Variants in FRMD3 observed in about 807,000 individuals in gnomAD.
FRMD3 encodes FERM domain containing 3, also known as FERM domain-containing protein 3.
Under a neutral mutation model 70.2 loss-of-function variants are expected in FRMD3, and 33 were observed. The ratio of observed to expected loss-of-function variants is 0.47; its 90% CI spans 0.36 to 0.63. The LOEUF is 0.63. Ranked by LOEUF, FRMD3 falls within the 20% of genes least tolerant of loss-of-function variation. The pLI is 0.00. For synonymous variants in FRMD3, 279 were observed against 255.9 expected (o/e 1.09, Z -0.86); for missense variants, 632 against 711.4 (o/e 0.89, Z 1.27).
intron 1 of FRMD3, among the ~76,000 whole-genome samples, chr9:83,392,791 C>G (rs1351322321): frequency 6.6e-6 from 1 of 152,166 alleles, no homozygotes; most frequent in Non-Finnish European, 1.5e-5. Context: ...TTTCATGCAT[C>G]TCTCTCAAGG....
chr9:83,540,395 C>A (rs566530756), upstream of FRMD3, among the ~76,000 whole-genome samples: 29 of 152,158 alleles, frequency 1.9e-4, no homozygotes, highest in Non-Finnish European at 4.3e-4. Context: ...ATAAGACCAA[C>A]AAGGACAGTA....
intron 2 of FRMD3, among the ~76,000 whole-genome samples, chr9:83,378,828 AAT>A (rs528393730): frequency 7.9e-5 from 10 of 126,822 alleles, no homozygotes; most frequent in Admixed American, 6.8e-4. Flanking sequence ...ATTTTATATA[AAT>A]ATATATACTA....
chr9:83,335,502 T>C lies in FRMD3; in HGVS notation c.596+14A>G. The stretch of plus-strand genomic sequence containing the variant: ...CCCCTTTATCATTTTCACAAATGTC[T>C]ACTCAGTAATTACCTGAGTTCATTT... On this transcript the variant is annotated intron_variant, in intron 6 of 13. Transcript: ENST00000304195. 1.3e-6 allele frequency: 2 copies of C among 1,600,000 alleles called. No individual in the cohort carries two copies. Among genetic ancestry groups the C allele is most frequent in the Non-Finnish European group, 1.7e-6 (2 of 1,168,518 alleles).
At position 83,309,628 on chromosome 9, in the gene FRMD3, A is replaced by G; in HGVS notation, c.838-4T>C. 6.4e-7 allele frequency: 1 copy of G among 1,561,924 alleles called. No individual in the cohort carries two copies. Among genetic ancestry groups the G allele is most frequent in the Non-Finnish European group, 8.7e-7 (1 of 1,151,924 alleles). ...GGAATGCCAACATGGCTTTTTTCTAATTAAAAAATAACAAAACAAGAAAAG... is the reference window on the plus strand; with the variant it reads ...GGAATGCCAACATGGCTTTTTTCTAGTTAAAAAATAACAAAACAAGAAAAG... On this transcript the variant is annotated splice_region_variant and splice_polypyrimidine_tract_variant and intron_variant, in intron 9 of 13. Transcript: ENST00000304195.
At chr9:83,523,066 A>G (rs1181033496) in intron 1 of FRMD3, among the ~76,000 whole-genome samples, 4 of 152,126 alleles carry the variant, frequency 2.6e-5, no homozygotes, top group African/African-American at 9.7e-5. Flanking sequence ...GGCAAGGATT[A>G]ATTATTATTT....
At chr9:83,276,035 A>T (rs1833783929) in intron 13 of FRMD3, 1 of 152,188 alleles carries the variant, frequency 6.6e-6, no homozygotes, top group Non-Finnish European at 1.5e-5. Flanking sequence ...GCTACCTATA[A>T]CTCATATAAA....
At chr9:83,298,634 A>G (rs1834772203) in intron 12 of FRMD3, 114 bp downstream of exon 12, 1 of 779,340 alleles carries the variant, frequency 1.3e-6, no homozygotes, top group Non-Finnish European at 2.2e-6. Context: ...ATGTCTAAGG[A>G]AGTGAGAATG....
intron 6 of FRMD3, among the ~76,000 whole-genome samples, chr9:83,316,575 T>C (rs1835587009): frequency 6.6e-6 from 1 of 152,228 alleles, no homozygotes; most frequent in South Asian, 2.1e-4. Context: ...GATTTCCTTA[T>C]TCATTTTAGT....
chr9:83,438,922 T>C (rs964686906), intron 1 of FRMD3, among the ~76,000 whole-genome samples: 2 of 152,156 alleles, frequency 1.3e-5, no homozygotes, highest in African/African-American at 4.8e-5. Flanking sequence ...CTGCCGTAGG[T>C]CTCTCTCCAG....
At chr9:83,257,860 A>G (rs1357960294) in intron 13 of FRMD3, among the ~76,000 whole-genome samples, 3 of 152,364 alleles carry the variant, frequency 2.0e-5, no homozygotes, top group South Asian at 2.1e-4. Flanking sequence ...TCAAATTTAT[A>G]TAATTACACA....
At chr9:83,272,797 G>A (rs1433930331) in intron 13 of FRMD3, among the ~76,000 whole-genome samples, 6 of 148,160 alleles carry the variant, frequency 4.0e-5, no homozygotes, top group Admixed American at 1.3e-4. Context: ...CCGCCGCCCC[G>A]TCTGGGATGT....
intron 12 of FRMD3, among the ~76,000 whole-genome samples, chr9:83,297,098 C>T (rs982968579): frequency 3.9e-5 from 6 of 152,134 alleles, no homozygotes; most frequent in Non-Finnish European, 1.5e-5. Context: ...CTTTATTGAC[C>T]TCATTAACCA....
At chr9:83,248,602 T>A in intron 13 of FRMD3, 86 bp from the exon 14 acceptor site, 2 of 1,360,032 alleles carry the variant, frequency 1.5e-6, no homozygotes, top group Non-Finnish European at 2.0e-6. Context: ...AACAAAAAAC[T>A]AATGGGATTC....
intron 13 of FRMD3, among the ~76,000 whole-genome samples, chr9:83,282,771 T>G (rs550974635): frequency 6.6e-6 from 1 of 152,258 alleles, no homozygotes; most frequent in East Asian, 1.9e-4. Flanking sequence ...ACCACTGCTA[T>G]GCTTCCACTG....
At chr9:83,447,012 T>C (rs1261941927) in intron 1 of FRMD3, among the ~76,000 whole-genome samples, 1 of 151,244 alleles carries the variant, frequency 6.6e-6, no homozygotes, top group Non-Finnish European at 1.5e-5. Flanking sequence ...TGTTTTGTTT[T>C]GTTTTGTTTT....
chr9:83,371,016 A>AT (rs1475880723), intron 3 of FRMD3, among the ~76,000 whole-genome samples: 1 of 152,140 alleles, frequency 6.6e-6, no homozygotes, highest in African/African-American at 2.4e-5. Context: ...CACAAAGTTT[A>AT]TTTTTTTGCT....
chr9:83,417,907 T>C (rs576043673), intron 1 of FRMD3, among the ~76,000 whole-genome samples: 124 of 152,322 alleles, frequency 8.1e-4, no homozygotes, highest in Middle Eastern at 6.8e-3. Context: ...CCAGCAAGCA[T>C]GCATTAGATC....
intron 1 of FRMD3, among the ~76,000 whole-genome samples, chr9:83,518,594 C>T (rs1357508862): frequency 6.6e-6 from 1 of 152,136 alleles, no homozygotes; most frequent in Non-Finnish European, 1.5e-5. Context: ...AATGCTACTC[C>T]CATCAAGCTG....
intron 1 of FRMD3, among the ~76,000 whole-genome samples, chr9:83,402,898 C>T (rs368275108): frequency 2.3e-5 from 2 of 87,296 alleles, no homozygotes; most frequent in African/African-American, 4.4e-5. Flanking sequence ...TTCTTTCTTT[C>T]TTTTTTTTTT....
Sources: gnomAD v4.1 joint callset for allele counts (sites outside exome capture counted in the v4.1 genomes callset) on GRCh38, gnomAD v4.1.1 for gene constraint, MANE v1.5 for transcripts, NCBI Gene and HGNC (gene_info 2026-07-23, HGNC 2026-07-21) for gene names.